Variants in DEFB1 observed in about 807,000 individuals in gnomAD.
DEFB1 encodes beta-defensin 1.
Under a neutral mutation model 2.6 loss-of-function variants are expected in DEFB1, and 4 were observed. That is an observed-to-expected ratio of 1.53 (90% CI 0.76 to 3.51). The LOEUF is 3.51. Ranked by LOEUF, DEFB1 falls within the 30% of genes most tolerant of loss-of-function variation. The probability of loss-of-function intolerance (pLI) is 0.01; values close to 1 mark genes in which losing one functional copy is unlikely to be tolerated. For synonymous variants in DEFB1, 56 were observed against 28.5 expected (o/e 1.96, Z -3.07); for missense variants, 162 against 76.9 (o/e 2.11, Z -4.14).
chr8:6,874,284 G>A (rs991884707), intron 1 of DEFB1, among the ~76,000 whole-genome samples: 6 of 152,110 alleles, frequency 3.9e-5, no homozygotes, highest in African/African-American at 1.4e-4. Flanking sequence ...TATTATGAAG[G>A]CCTGAAACAT....
intron 1 of DEFB1, 33 bp from the exon 2 acceptor site, chr8:6,870,859 A>T (rs763895714): frequency 5.1e-6 from 8 of 1,579,408 alleles, no homozygotes; most frequent in Non-Finnish European, 6.9e-6. Context: ...CTTCAGACTC[A>T]TGGCTTGTAG....
chr8:6,872,940 C>A (rs1325983751), intron 1 of DEFB1, among the ~76,000 whole-genome samples: 2 of 152,174 alleles, frequency 1.3e-5, no homozygotes, highest in African/African-American at 4.8e-5. Context: ...AAAGATGGAA[C>A]CTCTCCAAGT....
rs1806591111 is a variant in DEFB1 at position 6,877,837 on chromosome 8, C to T, written c.21G>A (p.Leu7=). The stretch of plus-strand genomic sequence containing the variant: ...ACAAAAGTAAGCAGAGAGTAAACAG[C>T]AGAAGGTAGGAAGTTCTCATGGCGA... The part of the protein sequence containing the change: MRTSYL[L]LFTLCLLLSE... Residue 7 remains leucine, a synonymous_variant, in exon 1 of 2, where the codon CTG becomes CTA. Coordinates refer to ENST00000297439, the MANE Select transcript of DEFB1 (RefSeq NM_005218.4). The T allele has an allele frequency of 2.5e-6, 4 of 1,613,980 alleles. No homozygotes were observed. The highest frequency in any genetic ancestry group is 3.4e-6 in the Non-Finnish European group (4 of 1,179,924).
At chr8:6,875,735 A>G (rs555466671) in intron 1 of DEFB1, among the ~76,000 whole-genome samples, 2 of 152,362 alleles carry the variant, frequency 1.3e-5, no homozygotes, top group African/African-American at 4.8e-5. Context: ...ATATATGCAT[A>G]GCCTATGATC....
At chr8:6,874,475 C>G (rs762085993) in intron 1 of DEFB1, among the ~76,000 whole-genome samples, 1 of 152,134 alleles carries the variant, frequency 6.6e-6, no homozygotes, top group African/African-American at 2.4e-5. Flanking sequence ...ATAGCCAAGA[C>G]ACATTTGGAA....
intron 1 of DEFB1, among the ~76,000 whole-genome samples, chr8:6,872,155 A>T (rs148989061): frequency 1.2e-4 from 18 of 151,356 alleles, no homozygotes; most frequent in African/African-American, 2.9e-4. Flanking sequence ...GGATGTGTTT[A>T]AGTTGGCCAG....
intron 1 of DEFB1, among the ~76,000 whole-genome samples, chr8:6,871,194 C>T (rs1269646562): frequency 6.6e-6 from 1 of 152,252 alleles, no homozygotes; most frequent in African/African-American, 2.4e-5. Context: ...GTGGAAGCAG[C>T]TGCCACTCTT....
chr8:6,870,879 T>C, intron 1 of DEFB1, 53 bp from the exon 2 acceptor site: 1 of 1,553,246 alleles, frequency 6.4e-7, no homozygotes, highest in South Asian at 1.2e-5. Context: ...GCTGCAACGA[T>C]TTGAGAACAT....
At chr8:6,873,119 T>C (rs1234976433) in intron 1 of DEFB1, among the ~76,000 whole-genome samples, 1 of 152,216 alleles carries the variant, frequency 6.6e-6, no homozygotes, top group South Asian at 2.1e-4. Context: ...GATGTAGCTT[T>C]TTAGAGCCAG....
At chr8:6,876,823 A>C (rs2980921) in intron 1 of DEFB1, among the ~76,000 whole-genome samples, 110,772 of 136,956 alleles carry the variant, frequency 0.81, 44,985 homozygotes, top group Middle Eastern at 0.88. Context: ...CAAAGCAAAA[A>C]CAAAAACCAA....
chr8:6,876,984 A>T (rs1193458057), intron 1 of DEFB1, among the ~76,000 whole-genome samples: 1 of 152,218 alleles, frequency 6.6e-6, no homozygotes, highest in Non-Finnish European at 1.5e-5. Flanking sequence ...TCTGCTGGAT[A>T]CAGTGATGGC....
At chr8:6,871,521 C>T in intron 1 of DEFB1, among the ~76,000 whole-genome samples, 1 of 152,186 alleles carries the variant, frequency 6.6e-6, no homozygotes, top group East Asian at 1.9e-4. Context: ...TGTTGCAAGT[C>T]TCCACTGGTA....
intron 1 of DEFB1, among the ~76,000 whole-genome samples, chr8:6,873,961 A>G (rs986793146): frequency 1.3e-5 from 2 of 152,104 alleles, no homozygotes; most frequent in East Asian, 1.9e-4. Context: ...TTTTCATGAC[A>G]TTTGCCTTCA....
At chr8:6,875,000 T>C (rs1806471055) in intron 1 of DEFB1, among the ~76,000 whole-genome samples, 1 of 148,276 alleles carries the variant, frequency 6.7e-6, no homozygotes, top group East Asian at 2.0e-4. Context: ...AAAAAGTTGG[T>C]TCTGGACAAT....
rs752331333 is a variant in DEFB1 at position 6,877,813 on chromosome 8, C to G, written c.45G>C (p.Leu15Phe). The stretch of plus-strand genomic sequence containing the variant: ...AGAGCTTACCTGAGGCCATCTCAGA[C>G]AAAAGTAAGCAGAGAGTAAACAGCA... Reference protein sequence around the residue: ...YLLLFTLCLLLSEMASGGNFL... With the variant: ...YLLLFTLCLLFSEMASGGNFL... The change falls in exon 1 of 2, where the codon TTG becomes TTC. Residue 15 changes from leucine to phenylalanine, a missense_variant. Physicochemically the swap from Leu to Phe is conservative, Grantham distance 22 (BLOSUM62 0). Transcript: ENST00000297439. 18 of 1,613,872 alleles carry G rather than the reference C, an allele frequency of 1.1e-5. No individual in the cohort carries two copies. Among genetic ancestry groups the G allele is most frequent in the African/African-American group, 4.0e-5 (3 of 74,906 alleles).
intron 1 of DEFB1, among the ~76,000 whole-genome samples, chr8:6,875,699 A>G (rs1177863565): frequency 6.6e-6 from 1 of 152,232 alleles, no homozygotes; most frequent in Admixed American, 6.5e-5. Flanking sequence ...CTTGGAAAAC[A>G]GTTTGGCATT....
rs766860665 is a variant in DEFB1, at chr8:6,870,677, C to A, written c.*4G>T. On this transcript the variant is annotated 3_prime_UTR_variant, in exon 2 of 2. Coordinates refer to ENST00000297439, the MANE Select transcript of DEFB1 (RefSeq NM_005218.4). ...CTGCGTCATTTCTTCTGGTCACTCC[C>A]AGCTCACTTGCAGCACTTGGCCTTC... is the stretch of plus-strand genomic sequence containing the variant. 3.7e-6 allele frequency: 6 copies of A among 1,613,096 alleles called. No individual in the cohort carries two copies. The East Asian group carries it at 1.1e-4, about 30-fold the overall frequency.
intron 1 of DEFB1, among the ~76,000 whole-genome samples, chr8:6,871,937 C>T (rs775972111): frequency 2.0e-5 from 3 of 152,288 alleles, no homozygotes; most frequent in Middle Eastern, 3.4e-3. Flanking sequence ...ATACAAGAGG[C>T]CATCGCTACC....
Position 6,877,834 on chromosome 8 carries a change from C to G in DEFB1, c.24G>C (p.Leu8=). ...CAGACAAAAGTAAGCAGAGAGTAAA[C>G]AGCAGAAGGTAGGAAGTTCTCATGG... MRTSYLL[L]FTLCLLLSEM... Residue 8 remains leucine, a synonymous_variant, in exon 1 of 2, where the codon CTG becomes CTC. Transcript: ENST00000297439. 6.2e-7 allele frequency: 1 copy of G among 1,614,048 alleles called. No individual in the cohort carries two copies. Among genetic ancestry groups the G allele is most frequent in the Non-Finnish European group, 8.5e-7 (1 of 1,179,954 alleles).
Sources: allele counts gnomAD v4.1 joint callset (sites outside exome capture counted in the v4.1 genomes callset), GRCh38; gene constraint gnomAD v4.1.1; transcripts MANE v1.5; gene names NCBI Gene and HGNC (gene_info 2026-07-23, HGNC 2026-07-21).